The following BRD7 variants were observed in gnomAD, a reference collection of about 807,000 sequenced individuals.
BRD7 encodes the protein bromodomain containing 7.
Under a neutral mutation model 82.1 loss-of-function variants are expected in BRD7, and 15 were observed. That is an observed-to-expected ratio of 0.18 (90% CI 0.12 to 0.28). BRD7 has a LOEUF of 0.28. Ranked by LOEUF, BRD7 falls within the 10% of genes least tolerant of loss-of-function variation. BRD7 has a pLI of 1.00. For synonymous variants in BRD7, 232 were observed against 266.9 expected (o/e 0.87, Z 1.27); for missense variants, 638 against 779.9 (o/e 0.82, Z 2.17).
At position 50,320,400 on chromosome 16, in the gene BRD7, T is replaced by C; in HGVS notation, c.1613-9A>G. 1 of 1,612,106 alleles carries C rather than the reference T, an allele frequency of 6.2e-7. No individual in the cohort carries two copies. Among genetic ancestry groups the C allele is most frequent in the Non-Finnish European group, 8.5e-7 (1 of 1,179,150 alleles). On this transcript the variant is annotated splice_polypyrimidine_tract_variant and intron_variant, in intron 14 of 16. Transcript: ENST00000394688. The stretch of plus-strand genomic sequence containing the variant: ...CTGGAATATTTCAGCTTCTGTGTGG[T>C]AAGAAAACAGACACACTTCTGTTTG...
chr16:50,368,945 C>G lies in BRD7; in HGVS notation c.-171G>C. The G allele has an allele frequency of 5.4e-6, 1 of 186,842 alleles. No homozygotes were observed. Among genetic ancestry groups the G allele is most frequent in the Non-Finnish European group, 9.7e-6 (1 of 103,152 alleles). The allele number at this position is 186,842 out of a possible 1,614,324, so 11.6% of individuals were successfully genotyped here. A position where few individuals can be genotyped will look rare whatever the true frequency, so the allele number is the denominator to read the frequency against. The stretch of plus-strand genomic sequence containing the variant: ...CGCGATGCCCCTCTCGAGAAGACGG[C>G]GCGCGAGACCCGGCCGGAGCCCGAG... On this transcript the variant is annotated 5_prime_UTR_variant, in exon 1 of 17. Transcript: ENST00000394688.
At chr16:50,326,069 G>A (rs1222634260) in intron 10 of BRD7, among the ~76,000 whole-genome samples, 186 bp from the exon 11 acceptor site, 1 of 151,824 alleles carries the variant, frequency 6.6e-6, no homozygotes, top group East Asian at 1.9e-4. Flanking sequence ...TCCCTACAAG[G>A]GAGAGGGAGA....
rs537411465 is a variant in BRD7, at chr16:50,317,998, G to T, written c.*1213C>A. 3 of 152,344 alleles carry T rather than the reference G, an allele frequency of 2.0e-5. No individual in the cohort carries two copies. Among genetic ancestry groups the T allele is most frequent in the African/African-American group, 7.2e-5 (3 of 41,464 alleles). 9.4% of individuals were successfully genotyped at this position (152,344 alleles called of 1,614,324 possible). On this transcript the variant is annotated 3_prime_UTR_variant, in exon 17 of 17. Coordinates refer to ENST00000394688, the MANE Select transcript of BRD7 (RefSeq NM_013263.5). ...AGAAATATGATTTGAGGTGGTGCATGCAAGTAACTAGGGTTTATTCTATAT... is the reference window on the plus strand; with the variant it reads ...AGAAATATGATTTGAGGTGGTGCATTCAAGTAACTAGGGTTTATTCTATAT...
intron 6 of BRD7, among the ~76,000 whole-genome samples, chr16:50,338,835 C>A (rs1474699491): frequency 6.6e-6 from 1 of 152,200 alleles, no homozygotes; most frequent in Non-Finnish European, 1.5e-5. Flanking sequence ...AATGAAAACT[C>A]TCTTCTGCCT....
chr16:50,348,068 G>A (rs2038362346), intron 5 of BRD7, among the ~76,000 whole-genome samples: 1 of 152,134 alleles, frequency 6.6e-6, no homozygotes, highest in Admixed American at 6.5e-5. Flanking sequence ...CAGAGACAGA[G>A]AACAATGGAA....
rs776712836 is a variant in BRD7 at position 50,368,133 on chromosome 16, T to C, written c.215A>G (p.Gln72Arg). Reference protein sequence around the residue: ...KRKKRKKGEKQIPGEEKGRKR... With the variant: ...KRKKRKKGEKRIPGEEKGRKR... ...TCTCCCCTTTTCTTCCCCTGGAATCTGCTTCTCTCCTTTCTTTCTCTTTTT... is the reference window on the plus strand; with the variant it reads ...TCTCCCCTTTTCTTCCCCTGGAATCCGCTTCTCTCCTTTCTTTCTCTTTTT... Residue 72 changes from glutamine (Q) to arginine (R), a missense_variant, in exon 2 of 17, where the codon CAG (glutamine) becomes CGG (arginine). Physicochemically the swap from Gln to Arg is conservative, Grantham distance 43 (BLOSUM62 1). This residue lies in a region of BRD7 where 172 missense variants were observed against 155.3 expected (regional missense o/e 1.11). Transcript: ENST00000394688. 1.9e-6 allele frequency: 3 copies of C among 1,614,082 alleles called. No homozygotes were observed. The East Asian group carries it at 6.7e-5, about 36-fold the overall frequency.
rs147275455 is a variant in BRD7, at chr16:50,336,713, G to C, written c.703-1818C>G. ...CAGTAATAATTTTATTTCCACTCTAGAATTTTATAAAGCAGAACTTACATT... is the reference window on the plus strand; with the variant it reads ...CAGTAATAATTTTATTTCCACTCTACAATTTTATAAAGCAGAACTTACATT... On this transcript the variant is annotated intron_variant, in intron 6 of 16. Transcript: ENST00000394688. 6.4e-3 allele frequency among the ~76,000 whole-genome samples: 973 copies of C among 152,194 alleles called. 14 individuals are homozygous for C. Among genetic ancestry groups the C allele is most frequent in the African/African-American group, 0.022 (913 of 41,526 alleles).
At chr16:50,319,630 AAAAAAATAT>A (rs1401555497) in intron 16 of BRD7, among the ~76,000 whole-genome samples, 1 of 152,198 alleles carries the variant, frequency 6.6e-6, no homozygotes, top group Non-Finnish European at 1.5e-5. Context: ...ACAAACAATG[AAAAAAATAT>A]AAAAAATACA....
chr16:50,362,408 A>G (rs536303150), intron 2 of BRD7, among the ~76,000 whole-genome samples: 2 of 152,338 alleles, frequency 1.3e-5, no homozygotes, highest in African/African-American at 4.8e-5. Flanking sequence ...TCTCATTAAT[A>G]AAAGAGGAGA....
At chr16:50,352,152 T>C (rs2038552016) in intron 4 of BRD7, among the ~76,000 whole-genome samples, 1 of 152,228 alleles carries the variant, frequency 6.6e-6, no homozygotes, top group Non-Finnish European at 1.5e-5. Flanking sequence ...AGTGAGATGA[T>C]GTCATATTTG....
Position 50,319,118 on chromosome 16 carries a change from A to G in BRD7, c.*93T>C. 8.0e-7 allele frequency: 1 copy of G among 1,245,672 alleles called. No individual in the cohort carries two copies. The highest frequency in any genetic ancestry group is 1.1e-6 in the Non-Finnish European group (1 of 887,584). The allele number at this position is 1,245,672 out of a possible 1,614,324, so 77.2% of individuals were successfully genotyped here. On this transcript the variant is annotated 3_prime_UTR_variant, in exon 17 of 17. Coordinates refer to ENST00000394688, the MANE Select transcript of BRD7 (RefSeq NM_013263.5). ...GCTGTTCCAAAGTTTAATTAAAAAC[A>G]CAATTTACAAATATTTAATATCTTC...
At chr16:50,364,471 C>T (rs1455801385) in intron 2 of BRD7, among the ~76,000 whole-genome samples, 1 of 152,182 alleles carries the variant, frequency 6.6e-6, no homozygotes, top group Non-Finnish European at 1.5e-5. Context: ...CCAGTGACAC[C>T]CCAGAGGATC....
chr16:50,326,904 T>C (rs1031043982), intron 9 of BRD7, among the ~76,000 whole-genome samples: 1 of 152,104 alleles, frequency 6.6e-6, no homozygotes, highest in African/African-American at 2.4e-5. Context: ...CATAGAGAAA[T>C]GTCACGTATG....
rs544683114 is a variant in BRD7, at chr16:50,368,626, G to T, written c.49+100C>A. ...CCTTCGCCGGCCTGGGCCTGCCGTG[G>T]GAAGGAAGGGCCCCGGGCCGCCCCG... On this transcript the variant is annotated intron_variant, in intron 1 of 16. Coordinates refer to ENST00000394688, the MANE Select transcript of BRD7 (RefSeq NM_013263.5). 5 of 1,300,246 alleles carry T rather than the reference G, an allele frequency of 3.8e-6. No homozygotes were observed. In the Admixed American group the frequency reaches 1.1e-4, roughly 29 times the overall value. 80.5% of individuals were successfully genotyped at this position (1,300,246 alleles called of 1,614,324 possible).
chr16:50,361,404 C>T (rs1462876752), intron 2 of BRD7, among the ~76,000 whole-genome samples: 1 of 152,120 alleles, frequency 6.6e-6, no homozygotes, highest in African/African-American at 2.4e-5. Context: ...CATTCCTAAG[C>T]AATGTGAGTG....
chr16:50,367,589 C>T (rs1174138558), intron 2 of BRD7, among the ~76,000 whole-genome samples: 1 of 152,210 alleles, frequency 6.6e-6, no homozygotes, highest in African/African-American at 2.4e-5. Flanking sequence ...CTGTTAAATG[C>T]AAATGGTTAA....
intron 1 of BRD7, 88 bp downstream of exon 1, chr16:50,368,638 C>T (rs2039250518): frequency 5.7e-6 from 8 of 1,414,530 alleles, no homozygotes; most frequent in African/African-American, 1.5e-5. Context: ...AAGGAAGGGC[C>T]CCGGGCCGCC....
chr16:50,367,601 A>G (rs981145172), intron 2 of BRD7, among the ~76,000 whole-genome samples: 3 of 152,348 alleles, frequency 2.0e-5, no homozygotes, highest in African/African-American at 7.2e-5. Context: ...AATGGTTAAG[A>G]ATATCAATCT....
chr16:50,340,115 G>A (rs551391127), intron 5 of BRD7, 29 bp from the exon 6 acceptor site: 3 of 1,330,478 alleles, frequency 2.3e-6, no homozygotes, highest in East Asian at 5.2e-5. Flanking sequence ...GGGAGAAAAT[G>A]CATTAATGCA....
Sources: gnomAD v4.1 joint callset for allele counts (sites outside exome capture counted in the v4.1 genomes callset) on GRCh38, gnomAD v4.1.1 for gene constraint, gnomAD v4.1.1 regional missense constraint, MANE v1.5 for transcripts, NCBI Gene and HGNC (gene_info 2026-07-23, HGNC 2026-07-21) for gene names.